ANKRD27: variants seen among roughly 807,000 people sequenced by gnomAD.
ANKRD27 encodes the protein ankyrin repeat domain-containing protein 27.
In ANKRD27, 112 loss-of-function variants were observed where a neutral mutation model predicts 129.7. The ratio of observed to expected loss-of-function variants is 0.86; its 90% CI spans 0.74 to 1.01. The LOEUF is 1.01. ANKRD27 is among the 50% of genes least tolerant of loss of function. The pLI is 0.00. For missense variants in ANKRD27, 1,258 were observed against 1,300.5 expected (o/e 0.97, Z 0.50); for synonymous variants, 516 against 511.2 (o/e 1.01, Z -0.13).
In ANKRD27 at chr19:32,629,013, C is replaced by T. The variant is rs373178288; in HGVS notation, c.1210-164G>A. On this transcript the variant is annotated intron_variant, in intron 13 of 28. Transcript: ENST00000306065. ...TCAGCTCACTGCAACCTCTGCCTCC[C>T]GGGTTCAAGCCATTCTCCTGCCTCA... Among the ~76,000 whole-genome samples the T allele has an allele frequency of 2.3e-3, 355 of 152,222 alleles. 1 individual carries two copies. Among genetic ancestry groups the T allele is most frequent in the Non-Finnish European group, 2.7e-3 (187 of 68,004 alleles).
chr19:32,669,663 G>T (rs7254931), intron 1 of ANKRD27, among the ~76,000 whole-genome samples: 14,135 of 152,116 alleles, frequency 0.093, 822 homozygotes, highest in East Asian at 0.26. Context: ...TTCCATGGAC[G>T]AACTAAAAAC....
intron 15 of ANKRD27, among the ~76,000 whole-genome samples, chr19:32,627,385 TA>T (rs56057184): frequency 0.24 from 29,152 of 120,790 alleles, 4,929 homozygotes; most frequent in Non-Finnish European, 0.34. Flanking sequence ...TTTATTTATT[TA>T]TTTATTTATT....
In ANKRD27 at chr19:32,625,955, C is replaced by A. The variant is rs759760285; in HGVS notation, c.1548G>T (p.Leu516=). Residue 516 remains leucine (L), a synonymous_variant, in exon 17 of 29, where the codon CTG becomes CTT. Coordinates refer to ENST00000306065, the MANE Select transcript of ANKRD27 (RefSeq NM_032139.3). ...GCACTTCCGCGCTGGCCTTGTAGTG[C>A]AGCAGCAGCAGCTGCGGAGATAAAG... ...KGYQSVTLLL[L]HYKASAEVQD... 6.3e-7 allele frequency: 1 copy of A among 1,589,726 alleles called. No homozygotes were observed. The highest frequency in any genetic ancestry group is 8.6e-7 in the Non-Finnish European group (1 of 1,168,404).
At chr19:32,628,678 C>T (rs758751310) in intron 14 of ANKRD27, 44 bp downstream of exon 14, 4 of 1,610,988 alleles carry the variant, frequency 2.5e-6, no homozygotes, top group Admixed American at 1.7e-5. Context: ...GGAGGCCTGT[C>T]TCCTGCTTCC....
intron 2 of ANKRD27, among the ~76,000 whole-genome samples, chr19:32,657,581 C>T (rs147703166): frequency 2.0e-5 from 3 of 151,644 alleles, no homozygotes; most frequent in Non-Finnish European, 4.4e-5. Context: ...CGAGATTGCG[C>T]CACTGCACTC....
intron 25 of ANKRD27, among the ~76,000 whole-genome samples, chr19:32,603,330 G>A (rs1028488801): frequency 6.6e-6 from 1 of 152,096 alleles, no homozygotes; most frequent in African/African-American, 2.4e-5. Context: ...TGGATTGATG[G>A]TGATGTTAGC....
At chr19:32,642,459 G>C (rs1599760369) in intron 9 of ANKRD27, among the ~76,000 whole-genome samples, 1 of 152,182 alleles carries the variant, frequency 6.6e-6, no homozygotes, top group East Asian at 1.9e-4. Flanking sequence ...CTTAAATTAG[G>C]CTCGGCGCAG....
chr19:32,635,279 C>G (rs1445558450), intron 12 of ANKRD27, among the ~76,000 whole-genome samples: 4 of 152,136 alleles, frequency 2.6e-5, no homozygotes, highest in African/African-American at 7.2e-5. Flanking sequence ...CTGTTTCTTG[C>G]CCTGCAAGAA....
At chr19:32,658,262 G>A (rs1220638568) in intron 2 of ANKRD27, among the ~76,000 whole-genome samples, 5 of 152,144 alleles carry the variant, frequency 3.3e-5, no homozygotes, top group African/African-American at 9.7e-5. Flanking sequence ...CGTCTAAGTA[G>A]GATGCCCGCC....
chr19:32,654,516 T>C (rs1190881054), intron 2 of ANKRD27, among the ~76,000 whole-genome samples: 1 of 152,132 alleles, frequency 6.6e-6, no homozygotes, highest in Non-Finnish European at 1.5e-5. Flanking sequence ...AGAGCACAAC[T>C]GCGGACTGGA....
Position 32,640,359 on chromosome 19 carries a change from C to A in ANKRD27, c.931G>T (p.Asp311Tyr). The change falls in exon 11 of 29, where the codon GAT becomes TAT. Residue 311 changes from aspartate to tyrosine, a missense_variant. Asp to Tyr is a radical substitution (Grantham distance 160, BLOSUM62 -3). Transcript: ENST00000306065. ...AAGTATAACAGGACTGATAGCAGAT[C>A]ATCAGCACACATGGTCTCCAGGTTC... ...RVNLETMCAD[D>Y]LLSVLLYLLV... is the part of the protein sequence containing the mutation. 6.2e-7 allele frequency: 1 copy of A among 1,613,994 alleles called. No individual in the cohort carries two copies. The highest frequency in any genetic ancestry group is 8.5e-7 in the Non-Finnish European group (1 of 1,179,898).
chr19:32,599,411 A>C (rs1971617516), intron 28 of ANKRD27, among the ~76,000 whole-genome samples: 1 of 152,226 alleles, frequency 6.6e-6, no homozygotes. Flanking sequence ...TTGGTGATTA[A>C]AACCATAGTG....
intron 2 of ANKRD27, among the ~76,000 whole-genome samples, chr19:32,656,103 G>GAAAGAAAAGAAAAGAAAAGA (rs535574771): frequency 1.7e-4 from 21 of 123,738 alleles, no homozygotes; most frequent in African/African-American, 5.7e-4. Context: ...AAGAAAGAAA[G>GAAAGAAAAGAAAAGAAAAGA]AAAGAAAAGA....
intron 10 of ANKRD27, among the ~76,000 whole-genome samples, chr19:32,641,065 AT>A (rs935946072): frequency 2.0e-5 from 3 of 150,528 alleles, no homozygotes; most frequent in East Asian, 3.9e-4. Flanking sequence ...TGCCCAGCTA[AT>A]TTTTTTTTGC....
intron 1 of ANKRD27, among the ~76,000 whole-genome samples, chr19:32,668,257 A>G (rs1354050863): frequency 6.6e-6 from 1 of 152,104 alleles, no homozygotes; most frequent in African/African-American, 2.4e-5. Flanking sequence ...GCCTCAAGCA[A>G]TCCTCCCACC....
intron 22 of ANKRD27, among the ~76,000 whole-genome samples, chr19:32,610,423 T>C (rs1971817292): frequency 6.6e-6 from 1 of 150,938 alleles, no homozygotes; most frequent in Non-Finnish European, 1.5e-5. Flanking sequence ...AGTTTGAGGC[T>C]TCAGTGAGCT....
chr19:32,644,193 G>A, intron 5 of ANKRD27, 132 bp downstream of exon 5: 1 of 1,109,176 alleles, frequency 9.0e-7, no homozygotes, highest in African/African-American at 1.6e-5. Flanking sequence ...TTTATAGTTA[G>A]AGAGAAACAT....
intron 3 of ANKRD27, among the ~76,000 whole-genome samples, chr19:32,647,242 T>A (rs1967320583): frequency 6.6e-6 from 1 of 152,180 alleles, no homozygotes; most frequent in South Asian, 2.1e-4. Flanking sequence ...TCCCTCCGTG[T>A]GTTTGGGAGG....
At chr19:32,613,706 C>CTTTTTTTTTTTTTT (rs58394462) in intron 22 of ANKRD27, among the ~76,000 whole-genome samples, 2 of 132,994 alleles carry the variant, frequency 1.5e-5, no homozygotes, top group Non-Finnish European at 3.2e-5. Context: ...ATTTATGTAA[C>CTTTTTTTTTTTTTT]TTTTTTTTTT....
Sources: gnomAD v4.1 joint callset for allele counts (sites outside exome capture counted in the v4.1 genomes callset) on GRCh38, gnomAD v4.1.1 for gene constraint, MANE v1.5 for transcripts, NCBI Gene and HGNC (gene_info 2026-07-23, HGNC 2026-07-21) for gene names.